The following LCOR variants were observed in gnomAD, a reference collection of about 807,000 sequenced individuals.
LCOR encodes ligand-dependent corepressor.
LCOR carries 14 observed loss-of-function variants against 64.4 expected under a neutral mutation model. That is an observed-to-expected ratio of 0.22 (90% CI 0.14 to 0.34). LCOR has a LOEUF of 0.34. Ranked by LOEUF, LCOR falls within the 10% of genes least tolerant of loss-of-function variation. The probability of loss-of-function intolerance (pLI) is 1.00; values close to 1 mark genes in which losing one functional copy is unlikely to be tolerated. For missense variants in LCOR, 1,686 were observed against 1,765.3 expected (o/e 0.96, Z 0.80); for synonymous variants, 643 against 642.5 (o/e 1.00, Z -0.01).
At chr10:96,916,587 C>CCATATATATATATATATATATATATA (rs375266535) in intron 4 of LCOR, among the ~76,000 whole-genome samples, 1 of 138,252 alleles carries the variant, frequency 7.2e-6, no homozygotes, top group African/African-American at 2.8e-5. Context: ...TATTTAAAGG[C>CCATATATATATATATATATATATATA]TATATATATA....
intron 2 of LCOR, among the ~76,000 whole-genome samples, chr10:96,855,566 C>G (rs148355304): frequency 0.017 from 2,597 of 151,796 alleles, 62 homozygotes; most frequent in African/African-American, 0.06. Context: ...TCCCTAGTAA[C>G]TGGGATTACA....
At chr10:96,920,333 G>A (rs1847025757) in intron 4 of LCOR, among the ~76,000 whole-genome samples, 1 of 150,206 alleles carries the variant, frequency 6.7e-6, no homozygotes, top group Non-Finnish European at 1.5e-5. Context: ...CAAGTTCTTT[G>A]CCCATTTTTG....
intron 2 of LCOR, among the ~76,000 whole-genome samples, chr10:96,868,945 A>C (rs1419113971): frequency 3.3e-5 from 5 of 152,074 alleles, no homozygotes; most frequent in Non-Finnish European, 7.4e-5. Context: ...TCACTCTATC[A>C]CCTAGGCTGG....
intron 4 of LCOR, among the ~76,000 whole-genome samples, chr10:96,923,195 G>T (rs903727237): frequency 6.6e-6 from 1 of 152,168 alleles, no homozygotes; most frequent in Non-Finnish European, 1.5e-5. Flanking sequence ...GCTCTTTTTA[G>T]CTCATTGCTT....
chr10:96,965,661 C>CAAAAA (rs755222216), intron 7 of LCOR, among the ~76,000 whole-genome samples: 4 of 65,308 alleles, frequency 6.1e-5, no homozygotes, highest in African/African-American at 1.6e-4. Context: ...GACTCTGTCT[C>CAAAAA]AAAAAAAAAA....
At position 96,984,109 on chromosome 10, in the gene LCOR, C is replaced by T; in HGVS notation, c.3649C>T (p.Leu1217Phe). 1 of 1,614,198 alleles carries T rather than the reference C, an allele frequency of 6.2e-7. No individual in the cohort carries two copies. Among genetic ancestry groups the T allele is most frequent in the Non-Finnish European group, 8.5e-7 (1 of 1,180,036 alleles). ...AGACGTTCCCCCTGTCAAGCATCCT[C>T]TTCAGAAATACGCTCCTTCCAGCCT... Reference protein sequence around the residue: ...PGDVPPVKHPLQKYAPSSLYP... With the variant: ...PGDVPPVKHPFQKYAPSSLYP... Residue 1217 changes from leucine to phenylalanine, a missense_variant, in exon 8 of 8, where the codon CTT (leucine) becomes TTT (phenylalanine). Leu to Phe is a conservative substitution (Grantham distance 22). Transcript: ENST00000421806.
rs1845347829 is a variant in LCOR at position 96,832,311 on chromosome 10, G to T, written c.-492G>T. The T allele has an allele frequency of 2.0e-6, 2 of 982,934 alleles. No homozygotes were observed. Among genetic ancestry groups the T allele is most frequent in the African/African-American group, 3.5e-5 (2 of 56,952 alleles). The allele number at this position is 982,934 out of a possible 1,614,324, so 60.9% of individuals were successfully genotyped here. ...CGGGCGGGCGGCAGAAGATGGCGAG[G>T]GTGTGTAGGCGGCAGCAATGCTCCG... On this transcript the variant is annotated 5_prime_UTR_variant, in exon 1 of 8. Transcript: ENST00000421806.
At chr10:96,874,407 A>G (rs990026768) in intron 2 of LCOR, among the ~76,000 whole-genome samples, 3 of 152,260 alleles carry the variant, frequency 2.0e-5, no homozygotes, top group East Asian at 3.9e-4. Context: ...AGACTCTAAC[A>G]TGGCTTTCCA....
At chr10:96,939,163 A>G (rs1847404140) in intron 4 of LCOR, among the ~76,000 whole-genome samples, 1 of 152,250 alleles carries the variant, frequency 6.6e-6, no homozygotes, top group South Asian at 2.1e-4. Context: ...GAGGATAGAT[A>G]TATAAATAGT....
chr10:96,876,417 A>T (rs530807077), intron 2 of LCOR, among the ~76,000 whole-genome samples: 1 of 152,346 alleles, frequency 6.6e-6, no homozygotes, highest in East Asian at 1.9e-4. Context: ...AAATTTGGGG[A>T]TACATTCAAA....
chr10:96,884,514 C>A (rs557208057), intron 2 of LCOR, among the ~76,000 whole-genome samples: 1 of 152,222 alleles, frequency 6.6e-6, no homozygotes, highest in Non-Finnish European at 1.5e-5. Flanking sequence ...CCCAGTCAAT[C>A]CTTTCTGCAC....
intron 2 of LCOR, among the ~76,000 whole-genome samples, chr10:96,888,687 TGTA>T (rs1182301576): frequency 2.0e-5 from 3 of 152,196 alleles, no homozygotes; most frequent in African/African-American, 4.8e-5. Flanking sequence ...TAAATTAAGT[TGTA>T]GTAAAACTGA....
At position 96,987,996 on chromosome 10, in the gene LCOR, T is replaced by C. The variant is rs10399993; in HGVS notation, c.*2862T>C. 0.38 allele frequency: 57,164 copies of C among 152,162 alleles called. 14,359 individuals are homozygous for C. The highest frequency in any genetic ancestry group is 0.7 in the African/African-American group (29,241 of 41,500). The allele number at this position is 152,162 out of a possible 1,614,324, so 9.4% of individuals were successfully genotyped here. ...GGTGTACACTCAGTGAAATGACTGT[T>C]CCAGTCTTGGGGCTGAAGTTGATGA... On this transcript the variant is annotated 3_prime_UTR_variant, in exon 8 of 8. Coordinates refer to ENST00000421806, the MANE Select transcript of LCOR (RefSeq NM_001346516.2).
chr10:96,887,872 C>T (rs1007001734), intron 2 of LCOR, among the ~76,000 whole-genome samples: 1 of 151,092 alleles, frequency 6.6e-6, no homozygotes, highest in Non-Finnish European at 1.5e-5. Context: ...GTACAGACAG[C>T]GTTTCACCAT....
At chr10:96,931,651 C>T (rs541319208) in intron 4 of LCOR, among the ~76,000 whole-genome samples, 19 of 152,200 alleles carry the variant, frequency 1.2e-4, no homozygotes, top group African/African-American at 4.3e-4. Flanking sequence ...AGTGAGTCTA[C>T]CAGAGAACAT....
intron 4 of LCOR, among the ~76,000 whole-genome samples, chr10:96,920,751 T>TACACAC (rs55839435): frequency 0.02 from 2,399 of 118,786 alleles, 68 homozygotes; most frequent in Middle Eastern, 0.049. Context: ...TATATATGTA[T>TACACAC]ACACACACAC....
At chr10:96,963,090 C>T (rs958197820) in intron 7 of LCOR, 6 of 152,154 alleles carry the variant, frequency 3.9e-5, no homozygotes, top group African/African-American at 1.4e-4. Flanking sequence ...ATAACTCAGC[C>T]AAACAGATTT....
intron 2 of LCOR, among the ~76,000 whole-genome samples, chr10:96,847,255 A>T (rs1321511227): frequency 6.6e-6 from 1 of 151,750 alleles, no homozygotes; most frequent in East Asian, 1.9e-4. Context: ...AAAAATGAAA[A>T]GAGAAGCTAG....
chr10:96,836,995 T>C (rs373536614), intron 2 of LCOR, among the ~76,000 whole-genome samples: 5 of 144,270 alleles, frequency 3.5e-5, no homozygotes, highest in African/African-American at 1.3e-4. Flanking sequence ...CACAGATTCT[T>C]TTTTTTTTTT....
Sources: gnomAD v4.1 joint callset for allele counts (sites outside exome capture counted in the v4.1 genomes callset) on GRCh38, gnomAD v4.1.1 for gene constraint, MANE v1.5 for transcripts, NCBI Gene and HGNC (gene_info 2026-07-23, HGNC 2026-07-21) for gene names.